Variants in YWHAE observed in about 807,000 individuals in gnomAD.
The protein encoded by YWHAE is tyrosine 3-monooxygenase/tryptophan 5-monooxygenase activation protein epsilon.
YWHAE carries 4 observed loss-of-function variants against 30.1 expected under a neutral mutation model. The observed-to-expected ratio is 0.13, with a 90% CI of 0.07 to 0.30. YWHAE has a LOEUF of 0.30. YWHAE is among the 10% of genes least tolerant of loss of function. The pLI, the probability that YWHAE is intolerant of heterozygous loss-of-function variation, is 1.00. For missense variants in YWHAE, 121 were observed against 315.9 expected (o/e 0.38, Z 4.68); for synonymous variants, 118 against 111.8 (o/e 1.06, Z -0.35).
At chr17:1,374,661 T>A (rs1243523379) in intron 1 of YWHAE, among the ~76,000 whole-genome samples, 1 of 152,220 alleles carries the variant, frequency 6.6e-6, no homozygotes, top group Non-Finnish European at 1.5e-5. Flanking sequence ...GGTTTTGATT[T>A]GCATTTCCTT....
chr17:1,366,547 G>T (rs2072945554), intron 1 of YWHAE, among the ~76,000 whole-genome samples: 1 of 152,046 alleles, frequency 6.6e-6, no homozygotes, highest in Admixed American at 6.6e-5. Flanking sequence ...AAAACCAAAA[G>T]AAAGAATCTG....
chr17:1,351,378 C>CAA (rs1041790727), intron 5 of YWHAE, among the ~76,000 whole-genome samples: 5 of 137,562 alleles, frequency 3.6e-5, no homozygotes, highest in African/African-American at 1.3e-4. Flanking sequence ...AACTCCATCT[C>CAA]AAAAAAAAAA....
intron 5 of YWHAE, among the ~76,000 whole-genome samples, chr17:1,351,502 A>G (rs1417840299): frequency 1.3e-5 from 2 of 151,724 alleles, no homozygotes; most frequent in Non-Finnish European, 2.9e-5. Flanking sequence ...CCTGAAGTCA[A>G]TCCCGCGCCC....
chr17:1,381,327 C>G (rs1415501246), intron 1 of YWHAE, among the ~76,000 whole-genome samples: 1 of 151,744 alleles, frequency 6.6e-6, no homozygotes, highest in Non-Finnish European at 1.5e-5. Flanking sequence ...CCAGCCTGAC[C>G]AACATGGAGA....
At chr17:1,357,179 G>A (rs1285620042) in intron 4 of YWHAE, among the ~76,000 whole-genome samples, 3 of 144,796 alleles carry the variant, frequency 2.1e-5, no homozygotes, top group East Asian at 2.0e-4. Flanking sequence ...CGAGGCGGGT[G>A]GATCACGAGG....
At chr17:1,394,460 A>AAAAAAAAAAAAAAAAACC (rs1555647412) in intron 1 of YWHAE, among the ~76,000 whole-genome samples, 4 of 137,538 alleles carry the variant, frequency 2.9e-5, no homozygotes, top group African/African-American at 1.1e-4. Context: ...AAAAAAAAAA[A>AAAAAAAAAAAAAAAAACC]ACACAAAAAT....
At chr17:1,350,411 G>C (rs1359050558) in intron 5 of YWHAE, among the ~76,000 whole-genome samples, 1 of 151,900 alleles carries the variant, frequency 6.6e-6, no homozygotes, top group Non-Finnish European at 1.5e-5. Context: ...ATCCAGACTT[G>C]GTTATGAGTT....
At chr17:1,351,361 A>G (rs2072628483) in intron 5 of YWHAE, among the ~76,000 whole-genome samples, 1 of 151,732 alleles carries the variant, frequency 6.6e-6, no homozygotes, top group Non-Finnish European at 1.5e-5. Context: ...CTGGGTAACA[A>G]GAGCAAAACT....
chr17:1,386,464 T>TA (rs1261595210), intron 1 of YWHAE, among the ~76,000 whole-genome samples: 1 of 152,232 alleles, frequency 6.6e-6, no homozygotes, highest in Non-Finnish European at 1.5e-5. Context: ...CCCAAGTGTC[T>TA]AAAGTGTCTA....
chr17:1,355,361 G>A (rs558081087), intron 4 of YWHAE, among the ~76,000 whole-genome samples: 9 of 151,130 alleles, frequency 6.0e-5, no homozygotes, highest in East Asian at 2.0e-4. Flanking sequence ...GGGTTTCACC[G>A]TGTTAGCCAG....
intron 1 of YWHAE, among the ~76,000 whole-genome samples, chr17:1,372,853 C>T (rs1462468129): frequency 6.6e-6 from 1 of 151,634 alleles, no homozygotes; most frequent in Non-Finnish European, 1.5e-5. Context: ...CTCAGGAGGC[C>T]GAGGCAGGAG....
rs1045402998 is a variant in YWHAE at position 1,399,991 on chromosome 17, G to A, written c.64+56C>T. The A allele has an allele frequency of 3.1e-6, 5 of 1,604,350 alleles. No individual in the cohort carries two copies. The South Asian group carries it at 3.3e-5, about 11-fold the overall frequency. ...ATTTTGTCTCCTGTTCCCGGCCTCT[G>A]TGGGCGGCGGCAGAGGGTCCGAGAA... On this transcript the variant is annotated intron_variant, in intron 1 of 5. Coordinates refer to ENST00000264335, the MANE Select transcript of YWHAE (RefSeq NM_006761.5).
chr17:1,355,140 AAAAAAAAATT>A (rs2072716266), intron 4 of YWHAE, among the ~76,000 whole-genome samples: 2 of 106,530 alleles, frequency 1.9e-5, no homozygotes, highest in African/African-American at 3.3e-5. Flanking sequence ...AAAAAAAAAA[AAAAAAAAATT>A]TTTTTTTTTT....
chr17:1,391,048 G>A (rs1487771421), intron 1 of YWHAE, among the ~76,000 whole-genome samples: 1 of 151,282 alleles, frequency 6.6e-6, no homozygotes, highest in Non-Finnish European at 1.5e-5. Flanking sequence ...TCTGAGCTTA[G>A]GACACTGCTA....
Position 1,361,923 on chromosome 17 carries a change from G to A in YWHAE, c.350C>T (p.Ser117Phe). 6.2e-7 allele frequency: 1 copy of A among 1,600,482 alleles called. No individual in the cohort carries two copies. The highest frequency in any genetic ancestry group is 8.5e-7 in the Non-Finnish European group (1 of 1,176,018). The change falls in exon 3 of 6, where the codon TCC (serine) becomes TTC (phenylalanine). Residue 117 changes from serine (S) to phenylalanine (F), a missense_variant. Transcript: ENST00000264335. ...CTACATTTTATAATAGAAAACCTTG[G>A]ACTCGCCAGTGTTAGCTGCTGGAAT... ...HLIPAANTGESKVFYYKMKGD... is the reference protein window; with the variant it reads ...HLIPAANTGEFKVFYYKMKGD...
At chr17:1,362,110 A>G in intron 2 of YWHAE, 102 bp from the exon 3 acceptor site, 1 of 661,652 alleles carries the variant, frequency 1.5e-6, no homozygotes. Flanking sequence ...TTAGTATTAA[A>G]AAGAATTTGT....
chr17:1,371,839 CTT>C (rs368590864), intron 1 of YWHAE, among the ~76,000 whole-genome samples: 13 of 138,494 alleles, frequency 9.4e-5, no homozygotes, highest in East Asian at 2.1e-4. Context: ...TGACCCTGTA[CTT>C]TTTTTTTTTT....
rs1249110617 is a variant in YWHAE, at chr17:1,376,354, AAGAAAGAC to A, written c.65-11304_65-11297del. ...AAGACAGAAAGACAGACAGAAAGAC[AAGAAAGAC>A]AGACAGACAGACAGAAAGAAAGAAA... On this transcript the variant is annotated intron_variant, in intron 1 of 5. Transcript: ENST00000264335. Among the ~76,000 whole-genome samples, 4 of 150,632 alleles carry A rather than the reference AAGAAAGAC, an allele frequency of 2.7e-5. No homozygotes were observed. The South Asian group carries it at 8.5e-4, about 32-fold the overall frequency.
intron 1 of YWHAE, among the ~76,000 whole-genome samples, chr17:1,383,243 T>C (rs1209858722): frequency 2.7e-5 from 4 of 148,924 alleles, no homozygotes; most frequent in Admixed American, 2.7e-4. Flanking sequence ...CCAGCTACTC[T>C]GGGGGCTGAG....
Sources: gnomAD v4.1 joint callset for allele counts (sites outside exome capture counted in the v4.1 genomes callset) on GRCh38, gnomAD v4.1.1 for gene constraint, MANE v1.5 for transcripts, NCBI Gene and HGNC (gene_info 2026-07-23, HGNC 2026-07-21) for gene names.